The following SCOC variants were observed in gnomAD, a reference collection of about 807,000 sequenced individuals.
SCOC encodes the protein short coiled-coil protein.
Under a neutral mutation model 9.9 loss-of-function variants are expected in SCOC, and 7 were observed. The observed-to-expected ratio is 0.71, with a 90% confidence interval of 0.40 to 1.33. SCOC has a LOEUF of 1.33. Among genes scored for constraint, SCOC ranks in the 40% most tolerant of loss-of-function variants. SCOC has a pLI of 0.01. For missense variants in SCOC, 66 were observed against 89.7 expected (o/e 0.74, Z 1.07); for synonymous variants, 19 against 28.2 (o/e 0.67, Z 1.03).
Position 140,374,408 on chromosome 4 carries a change from C to A in SCOC, c.-51+691C>A, listed in dbSNP as rs188366105. 215 of 312,870 alleles carry A rather than the reference C, an allele frequency of 6.9e-4. 1 individual carries two copies. Among genetic ancestry groups the A allele is most frequent in the African/African-American group, 4.6e-3 (203 of 44,012 alleles). 19.4% of individuals were successfully genotyped at this position (312,870 alleles called of 1,614,324 possible). A position where few individuals can be genotyped will look rare whatever the true frequency, so the allele number is the denominator to read the frequency against. The stretch of plus-strand genomic sequence containing the variant: ...CCAGGTTGCCAACACGTTTTCTATG[C>A]CCGAGGACCCAAAGCTGTGCCCATG... On this transcript the variant is annotated intron_variant, in intron 1 of 3. Coordinates refer to ENST00000608372, the MANE Select transcript of SCOC (RefSeq NM_001153484.2).
intron 2 of SCOC, among the ~76,000 whole-genome samples, chr4:140,354,861 ACTATTTGGGTATTTATTT>A: frequency 6.6e-6 from 1 of 152,148 alleles, no homozygotes; most frequent in East Asian, 1.9e-4. Flanking sequence ...ATCCTAGTTA[ACTATTTGGGTATTTATTT>A]CTATCTAAAA....
intron 1 of SCOC, among the ~76,000 whole-genome samples, chr4:140,307,490 AG>A (rs1560693606): frequency 6.6e-6 from 1 of 152,210 alleles, no homozygotes; most frequent in African/African-American, 2.4e-5. Context: ...TGCTTATCAA[AG>A]TCTATGGTTT....
intron 2 of SCOC, among the ~76,000 whole-genome samples, chr4:140,364,334 A>T (rs1727694266): frequency 6.6e-6 from 1 of 152,190 alleles, no homozygotes; most frequent in African/African-American, 2.4e-5. Flanking sequence ...GGCTTTAAAA[A>T]TGTCAAGATA....
At chr4:140,305,716 G>C (rs984036090) in intron 1 of SCOC, among the ~76,000 whole-genome samples, 10 of 152,098 alleles carry the variant, frequency 6.6e-5, no homozygotes, top group South Asian at 2.1e-4. Flanking sequence ...GGAGGAGATG[G>C]GTATGCAAAA....
In SCOC at chr4:140,362,306, T is replaced by C. The variant is rs865918648; in HGVS notation, c.71-16815T>C. On this transcript the variant is annotated intron_variant, in intron 2 of 4. Coordinates refer to the SCOC transcript ENST00000338517. ...CTTCTTCTTCTTCTTCTTCTTTTTT[T>C]TTTTTTTTTGTGAGAGTCTCGCTCT... is the stretch of plus-strand genomic sequence containing the variant. 3.6e-3 allele frequency among the ~76,000 whole-genome samples: 187 copies of C among 52,342 alleles called. 9 individuals carry two copies. The highest frequency in any genetic ancestry group is 6.2e-3 in the African/African-American group (105 of 17,026). The allele number at this position is 52,342 out of a possible 152,430, so 34.3% of individuals were successfully genotyped here.
chr4:140,263,391 C>T (rs925990804), intron 1 of SCOC, among the ~76,000 whole-genome samples: 3 of 152,176 alleles, frequency 2.0e-5, no homozygotes, highest in African/African-American at 7.2e-5. Context: ...GAAGGGTGAG[C>T]ATGAGGCCGG....
intron 2 of SCOC, among the ~76,000 whole-genome samples, chr4:140,344,425 C>G (rs899187173): frequency 6.6e-6 from 1 of 152,144 alleles, no homozygotes; most frequent in Non-Finnish European, 1.5e-5. Flanking sequence ...ATGGGGGTTA[C>G]TAATTTTGAT....
chr4:140,362,795 T>A (rs1409500755), intron 2 of SCOC: 1 of 152,156 alleles, frequency 6.6e-6, no homozygotes, highest in Non-Finnish European at 1.5e-5. Context: ...TTCTGAGACA[T>A]TTTGTGGTAT....
At chr4:140,365,897 T>C (rs1251154477) in intron 2 of SCOC, among the ~76,000 whole-genome samples, 1 of 152,244 alleles carries the variant, frequency 6.6e-6, no homozygotes, top group East Asian at 1.9e-4. Flanking sequence ...TATTAGCAAT[T>C]ATACTTTGGG....
chr4:140,366,832 C>T (rs752265519), intron 2 of SCOC: 3 of 888,136 alleles, frequency 3.4e-6, no homozygotes, highest in Admixed American at 1.7e-5. Context: ...GCCCACACGG[C>T]CAACCTCCAC....
chr4:140,327,860 G>C (rs1389731666), intron 1 of SCOC, among the ~76,000 whole-genome samples: 1 of 152,164 alleles, frequency 6.6e-6, no homozygotes, highest in African/African-American at 2.4e-5. Flanking sequence ...CTGTATCAGG[G>C]AAAGAAGCTG....
In SCOC at chr4:140,326,683, G is replaced by A. The variant is rs1229156722; in HGVS notation, c.-18-16938G>A. On this transcript the variant is annotated intron_variant, in intron 1 of 4. Transcript: ENST00000394205. ...CTGTTAGGGAGAAAACAAACCTCCCGTGGACTTCTAATGCTAAAGTCTTTT... is the reference window on the plus strand; with the variant it reads ...CTGTTAGGGAGAAAACAAACCTCCCATGGACTTCTAATGCTAAAGTCTTTT... Among the ~76,000 whole-genome samples the A allele has an allele frequency of 2.6e-5, 4 of 152,184 alleles. No individual in the cohort carries two copies. In the East Asian group the frequency reaches 7.7e-4, roughly 29 times the overall value.
At chr4:140,347,339 A>T (rs906755856) in intron 2 of SCOC, among the ~76,000 whole-genome samples, 11 of 152,162 alleles carry the variant, frequency 7.2e-5, no homozygotes, top group African/African-American at 2.7e-4. Context: ...CTATGGTCTC[A>T]ACTGTACTGT....
Position 140,381,253 on chromosome 4 carries a change from G to GTTA in SCOC, c.*149_*150insTTA. ...TGTAGACAAAAATAACACAATAACAGGAGACTTCCATAAGTTTGTGTATTA... is the reference window on the plus strand; with the variant it reads ...TGTAGACAAAAATAACACAATAACAGTTAGAGACTTCCATAAGTTTGTGTATTA... On this transcript the variant is annotated 3_prime_UTR_variant, in exon 4 of 4. Coordinates refer to ENST00000608372, the MANE Select transcript of SCOC (RefSeq NM_001153484.2). 1 of 681,146 alleles carries GTTA rather than the reference G, an allele frequency of 1.5e-6. No homozygotes were observed. The allele number at this position is 681,146 out of a possible 1,614,324, so 42.2% of individuals were successfully genotyped here.
intron 3 of SCOC, among the ~76,000 whole-genome samples, chr4:140,380,692 A>G (rs535258484): frequency 6.6e-6 from 1 of 152,344 alleles, no homozygotes; most frequent in East Asian, 1.9e-4. Context: ...ACATGAACCA[A>G]AATTCACATT....
At chr4:140,331,502 C>T (rs1238879468) in intron 1 of SCOC, among the ~76,000 whole-genome samples, 1 of 152,182 alleles carries the variant, frequency 6.6e-6, no homozygotes, top group African/African-American at 2.4e-5. Context: ...TACATGGGAT[C>T]ATCCCTCAGT....
At chr4:140,337,968 T>A (rs1446133786) in intron 1 of SCOC, among the ~76,000 whole-genome samples, 1 of 152,158 alleles carries the variant, frequency 6.6e-6, no homozygotes, top group Non-Finnish European at 1.5e-5. Context: ...ATCATCCTCA[T>A]ACCAAAGCCT....
intron 3 of SCOC, 92 bp downstream of exon 3, chr4:140,379,744 T>C: frequency 1.1e-6 from 1 of 892,212 alleles, no homozygotes; most frequent in Admixed American, 2.2e-5. Context: ...TTAGGATGTA[T>C]AATTTTTAAA....
At chr4:140,281,578 T>C (rs544648559) in intron 1 of SCOC, among the ~76,000 whole-genome samples, 3 of 152,198 alleles carry the variant, frequency 2.0e-5, no homozygotes, top group Non-Finnish European at 2.9e-5. Context: ...GTGGCCTCAG[T>C]CTTTTTCATC....
Sources: allele counts gnomAD v4.1 joint callset (sites outside exome capture counted in the v4.1 genomes callset), GRCh38; gene constraint gnomAD v4.1.1; transcripts MANE v1.5; gene names NCBI Gene and HGNC (gene_info 2026-07-23, HGNC 2026-07-21).